Variants in HS6ST3 observed in about 807,000 individuals in gnomAD.
HS6ST3 encodes the protein heparan sulfate 6-O-sulfotransferase 3.
In HS6ST3, 12 loss-of-function variants were observed where a neutral mutation model predicts 36.7. The ratio of observed to expected loss-of-function variants is 0.33; its 90% CI spans 0.21 to 0.53. HS6ST3 has a LOEUF of 0.53. HS6ST3 is among the 20% of genes least tolerant of loss of function. HS6ST3 has a pLI of 0.95. For synonymous variants in HS6ST3, 240 were observed against 257.5 expected (o/e 0.93, Z 0.65); for missense variants, 584 against 640.9 (o/e 0.91, Z 0.96).
chr13:96,450,667 GC>G (rs1458439535), intron 1 of HS6ST3, among the ~76,000 whole-genome samples: 5 of 152,122 alleles, frequency 3.3e-5, no homozygotes, highest in Non-Finnish European at 5.9e-5. Context: ...TGGCTAACTT[GC>G]CTATAGAAAC....
At chr13:96,687,251 T>A (rs1874808574) in intron 1 of HS6ST3, among the ~76,000 whole-genome samples, 1 of 152,018 alleles carries the variant, frequency 6.6e-6, no homozygotes, top group Non-Finnish European at 1.5e-5. Flanking sequence ...CATAATAGAA[T>A]CTTTGTGTGC....
intron 1 of HS6ST3, among the ~76,000 whole-genome samples, chr13:96,352,713 A>G (rs1434955569): frequency 6.6e-6 from 1 of 152,220 alleles, no homozygotes; most frequent in Middle Eastern, 3.2e-3. Context: ...ATCAGTCCCA[A>G]TGTTTATAAC....
intron 1 of HS6ST3, among the ~76,000 whole-genome samples, chr13:96,430,625 T>A (rs1480997299): frequency 6.6e-6 from 1 of 152,200 alleles, no homozygotes; most frequent in African/African-American, 2.4e-5. Flanking sequence ...CTCTTCTCTT[T>A]ACCACCTGGA....
chr13:96,725,670 A>ATGTGTG (rs371549749), intron 1 of HS6ST3, among the ~76,000 whole-genome samples: 5 of 148,436 alleles, frequency 3.4e-5, no homozygotes, highest in African/African-American at 7.4e-5. Flanking sequence ...ACTGAATTGC[A>ATGTGTG]TGTGTGTGTG....
At chr13:96,792,327 C>T (rs1165410270) in intron 1 of HS6ST3, among the ~76,000 whole-genome samples, 1 of 151,874 alleles carries the variant, frequency 6.6e-6, no homozygotes, top group Non-Finnish European at 1.5e-5. Flanking sequence ...TTCTTGGGAG[C>T]TCACAGCCCT....
chr13:96,548,752 G>T (rs1216025310), intron 1 of HS6ST3, among the ~76,000 whole-genome samples: 1 of 152,198 alleles, frequency 6.6e-6, no homozygotes, highest in African/African-American at 2.4e-5. Context: ...TAGTTTGAAG[G>T]TCATCAGGTC....
chr13:96,123,557 G>A (rs1478531951), intron 1 of HS6ST3, among the ~76,000 whole-genome samples: 1 of 152,138 alleles, frequency 6.6e-6, no homozygotes, highest in Non-Finnish European at 1.5e-5. Flanking sequence ...TTTGTCTTAT[G>A]TCAACTCATG....
intron 1 of HS6ST3, among the ~76,000 whole-genome samples, chr13:96,445,308 A>G (rs1281778639): frequency 6.6e-6 from 1 of 152,142 alleles, no homozygotes; most frequent in Non-Finnish European, 1.5e-5. Context: ...GTGTCAGGAG[A>G]TGCTTGACAT....
At chr13:96,711,611 C>T (rs1424779725) in intron 1 of HS6ST3, among the ~76,000 whole-genome samples, 3 of 152,126 alleles carry the variant, frequency 2.0e-5, no homozygotes, top group Non-Finnish European at 4.4e-5. Context: ...TTCCTCTTTG[C>T]ATTCATGTAT....
At chr13:96,590,035 T>C (rs1200790466) in intron 1 of HS6ST3, among the ~76,000 whole-genome samples, 4 of 152,218 alleles carry the variant, frequency 2.6e-5, no homozygotes, top group African/African-American at 9.6e-5. Flanking sequence ...TATGGCTAAA[T>C]AATACTCCTT....
intron 1 of HS6ST3, among the ~76,000 whole-genome samples, chr13:96,112,887 A>G (rs1303477749): frequency 1.3e-5 from 2 of 152,086 alleles, no homozygotes; most frequent in African/African-American, 4.8e-5. Flanking sequence ...CCACAGACAC[A>G]CATTCCATGG....
chr13:96,200,988 C>T (rs1428396914), intron 1 of HS6ST3, among the ~76,000 whole-genome samples: 1 of 152,132 alleles, frequency 6.6e-6, no homozygotes, highest in East Asian at 1.9e-4. Context: ...TGGCAGGTGG[C>T]CATGGTATTC....
chr13:96,689,677 C>G (rs1874889634), intron 1 of HS6ST3, among the ~76,000 whole-genome samples: 1 of 134,294 alleles, frequency 7.4e-6, no homozygotes, highest in African/African-American at 2.8e-5. Context: ...TTATAAACAC[C>G]AAGAAAATGC....
intron 1 of HS6ST3, among the ~76,000 whole-genome samples, chr13:96,257,376 A>G (rs889745551): frequency 6.6e-6 from 1 of 152,144 alleles, no homozygotes; most frequent in African/African-American, 2.4e-5. Context: ...CATCTTTCCA[A>G]TTATCCATGC....
chr13:96,354,785 A>G (rs991180213), intron 1 of HS6ST3, among the ~76,000 whole-genome samples: 19 of 151,558 alleles, frequency 1.3e-4, no homozygotes, highest in African/African-American at 4.6e-4. Context: ...AAGTACCCTG[A>G]AAAAAAAGTC....
chr13:96,297,024 C>T (rs932811399), intron 1 of HS6ST3, among the ~76,000 whole-genome samples: 2 of 151,976 alleles, frequency 1.3e-5, no homozygotes, highest in Non-Finnish European at 2.9e-5. Context: ...TGATCATGTC[C>T]CAAACCAATT....
chr13:96,275,094 T>C (rs1295366617), intron 1 of HS6ST3, among the ~76,000 whole-genome samples: 1 of 152,152 alleles, frequency 6.6e-6, no homozygotes, highest in African/African-American at 2.4e-5. Flanking sequence ...AGCCAAAGTC[T>C]CCTACAGCTC....
At chr13:96,830,161 A>G (rs754274699) in intron 1 of HS6ST3, among the ~76,000 whole-genome samples, 8 of 152,184 alleles carry the variant, frequency 5.3e-5, no homozygotes, top group Non-Finnish European at 1.0e-4. Context: ...GTTGACTAAT[A>G]CAAGTATTCC....
At chr13:96,149,786 A>G (rs2054075741) in intron 1 of HS6ST3, among the ~76,000 whole-genome samples, 1 of 152,202 alleles carries the variant, frequency 6.6e-6, no homozygotes, top group African/African-American at 2.4e-5. Flanking sequence ...TTTCATGAAG[A>G]GCTACAACAG....
Sources: allele counts gnomAD v4.1 joint callset (sites outside exome capture counted in the v4.1 genomes callset), GRCh38; gene constraint gnomAD v4.1.1; transcripts MANE v1.5; gene names NCBI Gene and HGNC (gene_info 2026-07-23, HGNC 2026-07-21).